Variants in PCDHGB1 observed in about 807,000 individuals in gnomAD.
PCDHGB1 encodes the protein protocadherin gamma-B1.
PCDHGB1 carries 34 observed loss-of-function variants against 56.6 expected under a neutral mutation model. The ratio of observed to expected loss-of-function variants is 0.60; its 90% CI spans 0.46 to 0.80. PCDHGB1 has a LOEUF of 0.80. PCDHGB1 is among the 30% of genes least tolerant of loss of function. The probability of loss-of-function intolerance (pLI) is 0.00; values close to 1 mark genes in which losing one functional copy is unlikely to be tolerated. For missense variants in PCDHGB1, 1,278 were observed against 1,204.6 expected (o/e 1.06, Z -0.90); for synonymous variants, 561 against 505.9 (o/e 1.11, Z -1.46).
intron 1 of PCDHGB1, chr5:141,392,975 GGA>G: frequency 6.2e-7 from 1 of 1,613,862 alleles, no homozygotes; most frequent in Non-Finnish European, 8.5e-7. Context: ...ACCTGGGGCT[GGA>G]CCCCCGGAAG....
At chr5:141,364,800 C>T in intron 1 of PCDHGB1, 1 of 1,613,952 alleles carries the variant, frequency 6.2e-7, no homozygotes, top group Non-Finnish European at 8.5e-7. Context: ...CTTCCCTTCG[C>T]GCGGGATGCG....
chr5:141,473,879 C>G (rs937312573), intron 1 of PCDHGB1, among the ~76,000 whole-genome samples: 2 of 152,120 alleles, frequency 1.3e-5, no homozygotes, highest in Admixed American at 1.3e-4. Context: ...AATGCATACA[C>G]AAGGGTTCTG....
chr5:141,384,106 A>G, intron 1 of PCDHGB1: 1 of 1,602,128 alleles, frequency 6.2e-7, no homozygotes, highest in Non-Finnish European at 8.5e-7. Flanking sequence ...TAATTATTAT[A>G]GATTGGTCAC....
chr5:141,369,052 A>G (rs1386795265), intron 1 of PCDHGB1, among the ~76,000 whole-genome samples: 2 of 152,180 alleles, frequency 1.3e-5, no homozygotes. Flanking sequence ...ACAATACATT[A>G]TGTAGGCTAA....
chr5:141,470,707 TA>T (rs1207543665), intron 1 of PCDHGB1, among the ~76,000 whole-genome samples: 1 of 152,164 alleles, frequency 6.6e-6, no homozygotes, highest in African/African-American at 2.4e-5. Flanking sequence ...ATTTTTATTT[TA>T]TTTTTTTGAG....
At chr5:141,496,782 C>T (rs552953558) in intron 2 of PCDHGB1, among the ~76,000 whole-genome samples, 16 of 152,136 alleles carry the variant, frequency 1.1e-4, no homozygotes, top group South Asian at 2.1e-4. Context: ...TGAGCAGGGC[C>T]CTGTGCTAAA....
At chr5:141,409,071 A>G in intron 1 of PCDHGB1, 4 of 1,613,996 alleles carry the variant, frequency 2.5e-6, no homozygotes, top group Non-Finnish European at 3.4e-6. Context: ...AGCACAAAAC[A>G]TATGTTCTCA....
rs757410882 is a variant in PCDHGB1 at position 141,421,504 on chromosome 5, C to T, written c.2409+68835C>T. 8 of 1,614,062 alleles carry T rather than the reference C, an allele frequency of 5.0e-6. No homozygotes were observed. The highest frequency in any genetic ancestry group is 3.3e-5 in the South Asian group (3 of 91,088). ...CTTGATCACGGCAGGCAGGATAGACCGGGAGGAGCTCTGTGAGACGGTGTC... is the reference window on the plus strand; with the variant it reads ...CTTGATCACGGCAGGCAGGATAGACTGGGAGGAGCTCTGTGAGACGGTGTC... On this transcript the variant is annotated intron_variant, in intron 1 of 3. Transcript: ENST00000523390.
intron 1 of PCDHGB1, chr5:141,392,605 C>CAA: frequency 1.9e-6 from 1 of 514,610 alleles, no homozygotes; most frequent in Non-Finnish European, 3.4e-6. Context: ...TACTGGAAGA[C>CAA]AAATGCAACC....
chr5:141,420,079 C>A, intron 1 of PCDHGB1: 1 of 1,613,998 alleles, frequency 6.2e-7, no homozygotes, highest in Non-Finnish European at 8.5e-7. Flanking sequence ...CTGTGGGTCC[C>A]CCCAACTACA....
chr5:141,358,034 C>G (rs1045447610), intron 1 of PCDHGB1, among the ~76,000 whole-genome samples: 1 of 152,074 alleles, frequency 6.6e-6, no homozygotes, highest in African/African-American at 2.4e-5. Flanking sequence ...TACTAAAATA[C>G]AAAAAGTTAG....
rs761396116 is a variant in PCDHGB1 at position 141,409,790 on chromosome 5, C to T, written c.2409+57121C>T. 4 of 1,612,010 alleles carry T rather than the reference C, an allele frequency of 2.5e-6. No homozygotes were observed. The Admixed American group carries it at 5.0e-5, about 20-fold the overall frequency. ...TCACGAGCAGCTGCGCGCCTTCGCGCTCACGCTGCAGGCCCGCGACCACGG... is the reference window on the plus strand; with the variant it reads ...TCACGAGCAGCTGCGCGCCTTCGCGTTCACGCTGCAGGCCCGCGACCACGG... On this transcript the variant is annotated intron_variant, in intron 1 of 3. Transcript: ENST00000523390.
intron 1 of PCDHGB1, chr5:141,383,809 T>A: frequency 6.2e-7 from 1 of 1,613,966 alleles, no homozygotes; most frequent in South Asian, 1.1e-5. Context: ...AATATCAACT[T>A]TAGAAGGATT....
rs757797019 is a variant in PCDHGB1 at position 141,487,064 on chromosome 5, G to A, written c.2410-7743G>A. On this transcript the variant is annotated intron_variant, in intron 1 of 3. Transcript: ENST00000523390. The surrounding 1 kb of genome is among the most constrained non-coding windows in gnomAD (Gnocchi z 5.0). The stretch of plus-strand genomic sequence containing the variant: ...TCGATATGCTGGGGAGGTGCGGACG[G>A]CTGTTCCTATCCCAGCTGACCTCCC... 6.2e-6 allele frequency: 10 copies of A among 1,614,006 alleles called. No individual in the cohort carries two copies.
At chr5:141,408,412 G>A in intron 1 of PCDHGB1, 2 of 1,614,052 alleles carry the variant, frequency 1.2e-6, no homozygotes, top group South Asian at 1.1e-5. Flanking sequence ...GAGTGAGCGC[G>A]GAGAAGCTGC....
At chr5:141,430,573 A>T (rs938248057) in intron 1 of PCDHGB1, 2 of 449,056 alleles carry the variant, frequency 4.5e-6, no homozygotes, top group Non-Finnish European at 7.6e-6. Flanking sequence ...AGAAAAGCGG[A>T]GATCCTGCTC....
intron 1 of PCDHGB1, chr5:141,427,617 G>C (rs1295636754): frequency 1.4e-6 from 1 of 694,694 alleles, no homozygotes. Context: ...TGAAGTCAAC[G>C]ACAATGCTCC....
At chr5:141,375,806 G>C (rs1223554303) in intron 1 of PCDHGB1, 1 of 1,614,088 alleles carries the variant, frequency 6.2e-7, no homozygotes, top group African/African-American at 1.3e-5. Context: ...TTCCACTGGC[G>C]TGGAGCTGGC....
chr5:141,423,159 G>A lies in PCDHGB1; in HGVS notation c.2409+70490G>A, dbSNP rs750186629. On this transcript the variant is annotated intron_variant, in intron 1 of 3. Transcript: ENST00000523390. Reference sequence around the variant, plus strand: ...GAGACGCGCTCAAGCAGAGCCTCGTGGTGGCCGTCCAGGACCACGGCCAGC... The same window carrying A: ...GAGACGCGCTCAAGCAGAGCCTCGTAGTGGCCGTCCAGGACCACGGCCAGC... The A allele has an allele frequency of 1.9e-5, 31 of 1,610,746 alleles. 1 individual carries two copies. The highest frequency in any genetic ancestry group is 3.3e-4 in the Middle Eastern group (2 of 6,080).
Sources: allele counts gnomAD v4.1 joint callset (sites outside exome capture counted in the v4.1 genomes callset), GRCh38; gene constraint gnomAD v4.1.1; non-coding constraint Gnocchi (gnomAD v3.1); transcripts MANE v1.5; gene names NCBI Gene and HGNC (gene_info 2026-07-23, HGNC 2026-07-21).